Variants in UBE2D3 observed in about 807,000 individuals in gnomAD.
UBE2D3 encodes the protein ubiquitin-conjugating enzyme E2 D3.
Under a neutral mutation model 22.8 loss-of-function variants are expected in UBE2D3, and 2 were observed. The ratio of observed to expected loss-of-function variants is 0.09; its 90% CI spans 0.04 to 0.28. The LOEUF (loss-of-function observed/expected upper bound fraction) is 0.28, where lower values mean the gene tolerates loss of function less well. Among genes scored for constraint, UBE2D3 ranks in the 10% least tolerant of loss-of-function variants. The pLI is 1.00. For synonymous variants in UBE2D3, 56 were observed against 60.4 expected, an observed-to-expected ratio of 0.93 and a Z score of 0.34; for missense variants, 27 against 182.5, an observed-to-expected ratio of 0.15 and a Z score of 4.91.
chr4:102,846,334 A>AG (rs2110362269), intron 1 of UBE2D3, among the ~76,000 whole-genome samples: 1 of 152,342 alleles, frequency 6.6e-6, no homozygotes, highest in African/African-American at 2.4e-5. Flanking sequence ...CAATATGCCC[A>AG]GGAATTTCTG....
At chr4:102,821,395 C>G (rs1379851369) in intron 2 of UBE2D3, among the ~76,000 whole-genome samples, 3 of 152,024 alleles carry the variant, frequency 2.0e-5, no homozygotes, top group Non-Finnish European at 4.4e-5. Context: ...CTTATTTTCA[C>G]CACTGAACGC....
At chr4:102,843,869 A>T (rs984340298) in intron 1 of UBE2D3, 3 of 152,156 alleles carry the variant, frequency 2.0e-5, no homozygotes, top group African/African-American at 7.2e-5. Flanking sequence ...AGAGAACAGG[A>T]GAGTTGATGT....
At chr4:102,850,033 CCCACTGAAATATCAACAAT>C (rs1455355781) in intron 1 of UBE2D3, among the ~76,000 whole-genome samples, 1 of 152,026 alleles carries the variant, frequency 6.6e-6, no homozygotes, top group Non-Finnish European at 1.5e-5. Context: ...GTGGAAACAG[CCCACTGAAATATCAACAAT>C]AAAATGGATA....
intron 1 of UBE2D3, among the ~76,000 whole-genome samples, chr4:102,858,033 G>C (rs534464851): frequency 6.6e-6 from 1 of 151,888 alleles, no homozygotes; most frequent in Non-Finnish European, 1.5e-5. Context: ...GTTATTATTG[G>C]ATGCCTTTAA....
At chr4:102,800,324 TAA>T (rs907494398) in intron 6 of UBE2D3, among the ~76,000 whole-genome samples, 6 of 151,966 alleles carry the variant, frequency 3.9e-5, no homozygotes, top group African/African-American at 1.2e-4. Context: ...CAGCAGAATA[TAA>T]AATTACCTAA....
chr4:102,854,146 T>A (rs1732518078), intron 1 of UBE2D3, among the ~76,000 whole-genome samples: 1 of 152,224 alleles, frequency 6.6e-6, no homozygotes, highest in South Asian at 2.1e-4. Flanking sequence ...TCCCTTGATG[T>A]GAATTTCTGA....
At chr4:102,797,572 T>G in intron 7 of UBE2D3, 112 bp from the exon 8 acceptor site, 1 of 743,638 alleles carries the variant, frequency 1.3e-6, no homozygotes, top group Non-Finnish European at 2.1e-6. Context: ...AAGTCATCTC[T>G]AATGACTATG....
rs962924082 is a variant in UBE2D3 at position 102,842,780 on chromosome 4, G to T, written c.-128-16144C>A. 2.6e-5 allele frequency among the ~76,000 whole-genome samples: 4 copies of T among 152,138 alleles called. 1 individual carries two copies. The highest frequency in any genetic ancestry group is 2.6e-4 in the Admixed American group (4 of 15,262). On this transcript the variant is annotated intron_variant, in intron 1 of 7. Coordinates refer to the UBE2D3 transcript ENST00000338145. ...AGACAACAAAACATAGTACAATTGG[G>T]TAAGCTGTTCTTAGAGGCTTAACTG... is the stretch of plus-strand genomic sequence containing the variant.
intron 1 of UBE2D3, among the ~76,000 whole-genome samples, chr4:102,849,126 G>C (rs1315921419): frequency 6.6e-6 from 1 of 151,654 alleles, no homozygotes; most frequent in Non-Finnish European, 1.5e-5. Flanking sequence ...CCAGCACTTT[G>C]AGAAGCTGAG....
At chr4:102,825,895 C>T (rs552298239) in intron 2 of UBE2D3, 1 of 414,662 alleles carries the variant, frequency 2.4e-6, no homozygotes, top group East Asian at 7.1e-5. Flanking sequence ...TGTGTCATTC[C>T]ATCTCCTCCC....
chr4:102,823,947 C>CAA (rs1342994496), intron 2 of UBE2D3, among the ~76,000 whole-genome samples: 1 of 152,160 alleles, frequency 6.6e-6, no homozygotes, highest in Non-Finnish European at 1.5e-5. Context: ...GTACGTAACA[C>CAA]AAGCATACCA....
intron 1 of UBE2D3, among the ~76,000 whole-genome samples, chr4:102,848,849 T>C (rs1289750723): frequency 6.6e-6 from 1 of 151,666 alleles, no homozygotes; most frequent in Non-Finnish European, 1.5e-5. Context: ...TTGTAAGCCA[T>C]GGATTACCTG....
At chr4:102,828,816 T>TA (rs1303125315), upstream of UBE2D3, among the ~76,000 whole-genome samples, 1 of 152,238 alleles carries the variant, frequency 6.6e-6, no homozygotes, top group African/African-American at 2.4e-5. Context: ...AGACGGCAGT[T>TA]ATGCTCTCTA....
intron 2 of UBE2D3, among the ~76,000 whole-genome samples, chr4:102,821,885 G>A (rs770173915): frequency 2.0e-5 from 3 of 151,950 alleles, no homozygotes; most frequent in Non-Finnish European, 2.9e-5. Context: ...TCTTCTATAC[G>A]CTAACAGATA....
At chr4:102,798,297 T>TATATATATATATATATATATATGC (rs1481588683) in intron 7 of UBE2D3, among the ~76,000 whole-genome samples, 24 of 146,710 alleles carry the variant, frequency 1.6e-4, no homozygotes, top group African/African-American at 4.9e-4. Context: ...TATATATATA[T>TATATATATATATATATATATATGC]GCACAGGAGA....
intron 1 of UBE2D3, among the ~76,000 whole-genome samples, chr4:102,845,112 A>G (rs1230309429): frequency 1.3e-5 from 2 of 151,566 alleles, no homozygotes; most frequent in African/African-American, 4.9e-5. Flanking sequence ...GCTGGGAGTG[A>G]TGGTGCATGC....
intron 2 of UBE2D3, chr4:102,811,740 A>G (rs1341998077): frequency 6.8e-6 from 3 of 438,850 alleles, no homozygotes; most frequent in African/African-American, 6.2e-5. Context: ...ACTAGAAAGC[A>G]AAAGAAAGGA....
chr4:102,810,058 T>A, intron 2 of UBE2D3: 1 of 542,382 alleles, frequency 1.8e-6, no homozygotes, highest in Non-Finnish European at 3.3e-6. Context: ...CGTAAAAATA[T>A]ATATGCAAAC....
intron 1 of UBE2D3, among the ~76,000 whole-genome samples, chr4:102,862,324 TTAA>T (rs752016999): frequency 1.6e-4 from 24 of 152,078 alleles, no homozygotes; most frequent in East Asian, 3.9e-4. Flanking sequence ...ATAGACAGAT[TTAA>T]TAATAATTCT....
Sources: allele counts gnomAD v4.1 joint callset (sites outside exome capture counted in the v4.1 genomes callset), GRCh38; gene constraint gnomAD v4.1.1; transcripts MANE v1.5; gene names NCBI Gene and HGNC (gene_info 2026-07-23, HGNC 2026-07-21).